WDR4: variants seen among roughly 807,000 people sequenced by gnomAD.
The protein encoded by WDR4 is tRNA (guanine-N(7)-)-methyltransferase non-catalytic subunit WDR4.
WDR4 carries 47 observed loss-of-function variants against 48.6 expected under a neutral mutation model. The ratio of observed to expected loss-of-function variants is 0.97; its 90% confidence interval spans 0.77 to 1.23. WDR4 has a LOEUF of 1.23. WDR4 is among the 50% of genes most tolerant of loss of function. The probability of loss-of-function intolerance (pLI) is 0.00; values close to 1 mark genes in which losing one functional copy is unlikely to be tolerated. For missense variants in WDR4, 606 were observed against 551.6 expected, an observed-to-expected ratio of 1.10 and a Z score of -0.99; for synonymous variants, 268 against 230.0, an observed-to-expected ratio of 1.17 and a Z score of -1.49.
rs1601176330 is a variant in WDR4, at chr21:42,873,762, G to A, written c.156-71C>T. On this transcript the variant is annotated intron_variant, in intron 2 of 10. Coordinates refer to ENST00000398208, the MANE Select transcript of WDR4 (RefSeq NM_018669.6). ...AAGGCTGCATTCCTTGTTGGCCAGC[G>A]TGGTAATTTCTAACATGGGAGGAGG... The A allele has an allele frequency of 1.7e-5, 26 of 1,557,124 alleles. 1 individual carries two copies. Among genetic ancestry groups the A allele is most frequent in the South Asian group, 1.1e-4 (9 of 83,586 alleles).
At chr21:42,872,212 A>T (rs1374868332) in intron 3 of WDR4, among the ~76,000 whole-genome samples, 3 of 152,132 alleles carry the variant, frequency 2.0e-5, no homozygotes, top group East Asian at 2.0e-4. Flanking sequence ...TCGAACTCCT[A>T]ATCTCAGGTG....
chr21:42,850,656 A>G (rs1196825186), intron 10 of WDR4, among the ~76,000 whole-genome samples: 6 of 152,106 alleles, frequency 3.9e-5, no homozygotes, highest in Non-Finnish European at 8.8e-5. Context: ...ACCCAGACTG[A>G]GTGAAGTCGG....
chr21:42,874,452 AG>A (rs1346253742), intron 2 of WDR4, among the ~76,000 whole-genome samples: 1 of 152,242 alleles, frequency 6.6e-6, no homozygotes, highest in East Asian at 1.9e-4. Flanking sequence ...AGCAATGTTC[AG>A]GGAACAAGAG....
At chr21:42,859,125 T>C (rs1290311430) in intron 6 of WDR4, among the ~76,000 whole-genome samples, 1 of 151,998 alleles carries the variant, frequency 6.6e-6, no homozygotes, top group Non-Finnish European at 1.5e-5. Flanking sequence ...AAAAATGCAC[T>C]GTGGTAACCC....
At chr21:42,852,792 G>A (rs916092372) in intron 9 of WDR4, among the ~76,000 whole-genome samples, 51 of 152,206 alleles carry the variant, frequency 3.4e-4, no homozygotes, top group Non-Finnish European at 6.2e-4. Flanking sequence ...GCGCATGCCT[G>A]TAATCCCAGC....
chr21:42,844,365 C>T (rs2057692659), downstream of WDR4, among the ~76,000 whole-genome samples: 1 of 152,192 alleles, frequency 6.6e-6, no homozygotes, highest in Non-Finnish European at 1.5e-5. Flanking sequence ...AAAACAAAAG[C>T]AGCCGCAGAA....
chr21:42,856,225 C>A (rs2057987098), intron 6 of WDR4, among the ~76,000 whole-genome samples: 1 of 152,170 alleles, frequency 6.6e-6, no homozygotes, highest in Non-Finnish European at 1.5e-5. Context: ...GTGGCCACTG[C>A]TCCACTTCAC....
chr21:42,871,072 G>A (rs554247071), intron 3 of WDR4, among the ~76,000 whole-genome samples: 7 of 152,242 alleles, frequency 4.6e-5, no homozygotes, highest in African/African-American at 1.4e-4. Flanking sequence ...GACCCCATCT[G>A]ACCAGTGTCC....
chr21:42,886,735 T>A, the WDR4 span: 1 of 152,372 alleles, frequency 6.6e-6, no homozygotes, highest in Admixed American at 6.5e-5. Flanking sequence ...ATGCTAATGG[T>A]ATCATGTGTG....
At chr21:42,859,498 G>A (rs1156561127) in intron 6 of WDR4, among the ~76,000 whole-genome samples, 164 bp downstream of exon 6, 5 of 152,046 alleles carry the variant, frequency 3.3e-5, no homozygotes, top group South Asian at 2.1e-4. Flanking sequence ...CTGAGTGAGC[G>A]GCCGCAGGCG....
At chr21:42,891,729 G>A in the WDR4 span, among the ~76,000 whole-genome samples, 3 of 152,198 alleles carry the variant, frequency 2.0e-5, no homozygotes, top group South Asian at 2.1e-4. Flanking sequence ...AGGCCGAGGC[G>A]GGCGATCATT....
chr21:42,848,309 C>T (rs929502775), downstream of WDR4, among the ~76,000 whole-genome samples: 12 of 151,564 alleles, frequency 7.9e-5, no homozygotes, highest in African/African-American at 2.9e-4. Flanking sequence ...GCACACCTCA[C>T]TCACATGCAG....
At chr21:42,855,343 G>T (rs2057958293) in intron 7 of WDR4, among the ~76,000 whole-genome samples, 1 of 152,136 alleles carries the variant, frequency 6.6e-6, no homozygotes, top group Non-Finnish European at 1.5e-5. Context: ...GCTCCAAGCT[G>T]GCCGGAGAAT....
chr21:42,881,290 G>T (rs1393158157), upstream of WDR4, among the ~76,000 whole-genome samples: 1 of 152,150 alleles, frequency 6.6e-6, no homozygotes, highest in Non-Finnish European at 1.5e-5. Flanking sequence ...CTCTGAATTT[G>T]ATCTTTGGCC....
At chr21:42,882,101 G>T (rs2058614141), upstream of WDR4, among the ~76,000 whole-genome samples, 1 of 151,776 alleles carries the variant, frequency 6.6e-6, no homozygotes. Context: ...ATCCATGTTA[G>T]TCAGGCTGGT....
upstream of WDR4, among the ~76,000 whole-genome samples, chr21:42,881,950 T>G (rs1393131568): frequency 1.3e-5 from 2 of 152,142 alleles, no homozygotes; most frequent in Non-Finnish European, 2.9e-5. Flanking sequence ...TACAGGCATG[T>G]GCCACCGTGC....
intron 3 of WDR4, among the ~76,000 whole-genome samples, chr21:42,864,118 A>G (rs1190916093): frequency 2.8e-5 from 3 of 105,558 alleles, no homozygotes; most frequent in South Asian, 5.1e-4. Flanking sequence ...AAAAAAAAAA[A>G]AAAAAAAAAA....
intron 6 of WDR4, among the ~76,000 whole-genome samples, chr21:42,858,342 C>T (rs900866877): frequency 3.9e-5 from 6 of 152,156 alleles, no homozygotes; most frequent in Non-Finnish European, 7.3e-5. Flanking sequence ...TGTCACCCCA[C>T]GGACCCACGG....
chr21:42,876,974 A>G (rs2058506949), intron 1 of WDR4, among the ~76,000 whole-genome samples: 1 of 151,344 alleles, frequency 6.6e-6, no homozygotes, highest in Non-Finnish European at 1.5e-5. Context: ...ATGCACCAGC[A>G]CTCCCAGCTA....
Sources: allele counts gnomAD v4.1 joint callset (sites outside exome capture counted in the v4.1 genomes callset), GRCh38; gene constraint gnomAD v4.1.1; transcripts MANE v1.5; gene names NCBI Gene and HGNC (gene_info 2026-07-23, HGNC 2026-07-21).